The following AMER1 variants were observed in gnomAD, a reference collection of about 807,000 sequenced individuals.
AMER1 encodes the protein APC membrane recruitment protein 1.
Under a neutral mutation model 53.0 loss-of-function variants are expected in AMER1, and 16 were observed. The ratio of observed to expected loss-of-function variants is 0.30; its 90% CI spans 0.20 to 0.46. The LOEUF (loss-of-function observed/expected upper bound fraction) is 0.46, where lower values mean the gene tolerates loss of function less well. Ranked by LOEUF, AMER1 falls within the 20% of genes least tolerant of loss-of-function variation. The pLI, the probability that AMER1 is intolerant of heterozygous loss-of-function variation, is 1.00. For missense variants in AMER1, 947 were observed against 884.9 expected, an observed-to-expected ratio of 1.07 and a Z score of -0.89; for synonymous variants, 354 against 331.9, an observed-to-expected ratio of 1.07 and a Z score of -0.73.
At chrX:64,195,581 C>G (rs923760597) in intron 1 of AMER1, among the ~76,000 whole-genome samples, 10 of 112,277 alleles carry the variant, frequency 8.9e-5, no homozygotes, top group African/African-American at 3.2e-4. Context: ...GCATTAGATT[C>G]TCATAGGAGC....
In AMER1 at chrX:64,189,793, A is replaced by ACGGGGGGCCCCCCCCCC; in HGVS notation, c.*85_*86insGGGGGGGGGGCCCCCCG. On this transcript the variant is annotated 3_prime_UTR_variant, in exon 2 of 2. Coordinates refer to ENST00000374869, the MANE Select transcript of AMER1 (RefSeq NM_152424.4). ...CAAAGGGTTTTCAAGTTAAACAACA[A>ACGGGGGGCCCCCCCCCC]CCCCCACCCCCCCACCCTTCTGCCC... The ACGGGGGGCCCCCCCCCC allele has an allele frequency of 6.8e-6, 2 of 292,065 alleles. No individual in the cohort carries two copies. The highest frequency in any genetic ancestry group is 9.8e-6 in the Non-Finnish European group (2 of 204,826). 24.1% of individuals were successfully genotyped at this position (292,065 alleles called of 1,213,427 possible).
intron 1 of AMER1, among the ~76,000 whole-genome samples, chrX:64,197,236 C>A (rs1021982429): frequency 1.8e-5 from 2 of 112,928 alleles, no homozygotes; most frequent in South Asian, 3.6e-4. Flanking sequence ...CCCTCCCAAG[C>A]CACTCTGTGG....
intron 1 of AMER1, among the ~76,000 whole-genome samples, chrX:64,197,093 G>A (rs1242409119): frequency 8.9e-6 from 1 of 112,770 alleles, no homozygotes; most frequent in Non-Finnish European, 1.9e-5. Context: ...AGACTCTGCA[G>A]ATCCCCTAGG....
At chrX:64,203,663 A>C in intron 1 of AMER1, among the ~76,000 whole-genome samples, 1 of 111,793 alleles carries the variant, frequency 8.9e-6, no homozygotes. Context: ...GCAGAAAGGC[A>C]CCAAGGAAAA....
In AMER1 at chrX:64,186,690, C is replaced by T. The variant is rs1409730030; in HGVS notation, c.*3189G>A. The T allele has an allele frequency of 9.1e-6, 7 of 773,284 alleles. No homozygotes were observed. The highest frequency in any genetic ancestry group is 6.9e-4 in the Middle Eastern group (1 of 1,459). 63.7% of individuals were successfully genotyped at this position (773,284 alleles called of 1,213,427 possible). ...GAGAGAGACTGGTGTTTACTGAACC[C>T]ATTATCCGGGCAGTCTTGTGGCCTG... On this transcript the variant is annotated 3_prime_UTR_variant, in exon 2 of 2. Coordinates refer to ENST00000374869, the MANE Select transcript of AMER1 (RefSeq NM_152424.4).
Position 64,192,955 on chromosome X carries a change from C to T in AMER1, c.332G>A (p.Ser111Asn), listed in dbSNP as rs2147090764. ...EAAHGPEDVV[S>N]EGTGFSLPLP... ...AGGCAGGGAGAAGCCAGTTCCTTCACTGACAACATCTTCAGGGCCATGGGC... is the reference window on the plus strand; with the variant it reads ...AGGCAGGGAGAAGCCAGTTCCTTCATTGACAACATCTTCAGGGCCATGGGC... Residue 111 changes from serine (S) to asparagine (N), a missense_variant, in exon 2 of 2, where the codon AGT becomes AAT. Coordinates refer to ENST00000374869, the MANE Select transcript of AMER1 (RefSeq NM_152424.4). 1.7e-6 allele frequency: 2 copies of T among 1,211,812 alleles called. No homozygotes were observed. Among genetic ancestry groups the T allele is most frequent in the Non-Finnish European group, 2.2e-6 (2 of 895,564 alleles).
In AMER1 at chrX:64,188,723, G is replaced by C. The variant is rs1479952747; in HGVS notation, c.*1156C>G. 2.5e-6 allele frequency: 2 copies of C among 798,301 alleles called. No homozygotes were observed. The highest frequency in any genetic ancestry group is 1.6e-4 in the Admixed American group (2 of 12,751). The allele number at this position is 798,301 out of a possible 1,213,427, so 65.8% of individuals were successfully genotyped here. ...CTTTTAAGAAACTGAGATACCTTAA[G>C]CTCTGCATGGTCTGAAATCCCCTTT... On this transcript the variant is annotated 3_prime_UTR_variant, in exon 2 of 2. Transcript: ENST00000374869.
chrX:64,189,909 G>A lies in AMER1; in HGVS notation c.3378C>T (p.Ser1126=), dbSNP rs2147083857. The change falls in exon 2 of 2, where the codon TCC becomes TCT. Residue 1126 remains serine, a synonymous_variant. Coordinates refer to ENST00000374869, the MANE Select transcript of AMER1 (RefSeq NM_152424.4). ...TGGCTAGGTTTCCATTCATGGCAGT[G>A]GAGGAGTAGCTGGTGGCAAGAGAGG... ...QGASLATSYS[S]TAMNGNLAK The A allele has an allele frequency of 8.3e-7, 1 of 1,206,463 alleles. No individual in the cohort carries two copies. The highest frequency in any genetic ancestry group is 2.2e-5 in the Admixed American group (1 of 45,510).
chrX:64,201,477 A>G (rs1184908802), intron 1 of AMER1, among the ~76,000 whole-genome samples: 2 of 109,743 alleles, frequency 1.8e-5, no homozygotes, highest in Non-Finnish European at 3.8e-5. Flanking sequence ...ACACACACAC[A>G]CACACACACA....
At chrX:64,201,480 CA>C (rs1930488515) in intron 1 of AMER1, among the ~76,000 whole-genome samples, 1 of 110,064 alleles carries the variant, frequency 9.1e-6, no homozygotes, top group African/African-American at 3.3e-5. Context: ...CACACACACA[CA>C]CACACACACA....
In AMER1 at chrX:64,186,288, C is replaced by T; in HGVS notation, c.*3591G>A. On this transcript the variant is annotated 3_prime_UTR_variant, in exon 2 of 2. Transcript: ENST00000374869. ...AGATGCCAGCCCTCTGCACAAGCAG[C>T]AGCAATTTTTGTGTCATCTTTGTTT... 1 of 1,050,828 alleles carries T rather than the reference C, an allele frequency of 9.5e-7. No individual in the cohort carries two copies. 86.6% of individuals were successfully genotyped at this position (1,050,828 alleles called of 1,213,427 possible).
chrX:64,196,225 G>T (rs1343902546), intron 1 of AMER1, among the ~76,000 whole-genome samples: 1 of 111,487 alleles, frequency 9.0e-6, no homozygotes, highest in Non-Finnish European at 1.9e-5. Flanking sequence ...TGGGGTCCAG[G>T]CCATGTCAGC....
chrX:64,203,117 C>G (rs1930523609), intron 1 of AMER1, among the ~76,000 whole-genome samples: 2 of 112,300 alleles, frequency 1.8e-5, no homozygotes, highest in African/African-American at 6.5e-5. Flanking sequence ...TCTTTCATCT[C>G]TCTCCAAGTA....
rs941828527 is a variant in AMER1, at chrX:64,186,194, G to T, written c.*3685C>A. On this transcript the variant is annotated 3_prime_UTR_variant, in exon 2 of 2. Coordinates refer to ENST00000374869, the MANE Select transcript of AMER1 (RefSeq NM_152424.4). ...CATCTTCTGCTGTCCCTATCATGGGGGGAGGGAACGGACAGTGTGGTACAG... is the reference window on the plus strand; with the variant it reads ...CATCTTCTGCTGTCCCTATCATGGGTGGAGGGAACGGACAGTGTGGTACAG... The T allele has an allele frequency of 1.7e-6, 2 of 1,208,996 alleles. No individual in the cohort carries two copies. The highest frequency in any genetic ancestry group is 2.3e-4 in the Middle Eastern group (1 of 4,347).
Position 64,189,811 on chromosome X carries a change from TTCTG to T in AMER1, c.*64_*67del. On this transcript the variant is annotated 3_prime_UTR_variant, in exon 2 of 2. Coordinates refer to ENST00000374869, the MANE Select transcript of AMER1 (RefSeq NM_152424.4). ...AACAACAACCCCCACCCCCCCACCCTTCTGCCCAACCCCTGATCCCCATTCACAT... is the reference window on the plus strand; with the variant it reads ...AACAACAACCCCCACCCCCCCACCCTCCCAACCCCTGATCCCCATTCACAT... 2.7e-5 allele frequency: 2 copies of T among 73,844 alleles called. No individual in the cohort carries two copies. The allele number at this position is 73,844 out of a possible 1,213,427, so 6.1% of individuals were successfully genotyped here.
At position 64,186,217 on chromosome X, in the gene AMER1, C is replaced by T. The variant is rs777222072; in HGVS notation, c.*3662G>A. ...GGGGGAGGGAACGGACAGTGTGGTA[C>T]AGCTAAGGTAGGGAGAGGGGAAAGA... On this transcript the variant is annotated 3_prime_UTR_variant, in exon 2 of 2. Coordinates refer to ENST00000374869, the MANE Select transcript of AMER1 (RefSeq NM_152424.4). 4.2e-6 allele frequency: 5 copies of T among 1,191,930 alleles called. No individual in the cohort carries two copies. Among genetic ancestry groups the T allele is most frequent in the Non-Finnish European group, 5.7e-6 (5 of 882,846 alleles).
rs148731565 is a variant in AMER1, at chrX:64,191,039, G to T, written c.2248C>A (p.Pro750Thr). The T allele has an allele frequency of 1.7e-6, 2 of 1,210,446 alleles. No homozygotes were observed. Among genetic ancestry groups the T allele is most frequent in the Non-Finnish European group, 2.2e-6 (2 of 895,323 alleles). ...SPRRAYPTYS[P>T]PEDPEEEEVE... ...TCCTCTTCCTCTGGATCTTCAGGGG[G>T]TGAATAAGTAGGGTAGGCCCTCCTG... Residue 750 changes from proline to threonine, a missense_variant, in exon 2 of 2, where the codon CCC (proline) becomes ACC (threonine). Physicochemically the swap from Pro to Thr is conservative, Grantham distance 38 (BLOSUM62 -1). Transcript: ENST00000374869.
chrX:64,202,909 G>A (rs956148258), intron 1 of AMER1, among the ~76,000 whole-genome samples: 7 of 111,615 alleles, frequency 6.3e-5, no homozygotes, highest in African/African-American at 2.3e-4. Flanking sequence ...CCTGGCATCC[G>A]GGAAACCCCA....
At position 64,192,876 on chromosome X, in the gene AMER1, C is replaced by T. The variant is rs201005217; in HGVS notation, c.411G>A (p.Leu137=). ...FPSSQSAHGA[L]ETGSRCKTSV... is the part of the protein sequence containing the mutation. The stretch of plus-strand genomic sequence containing the variant: ...ATGTCTTACATCTGGAGCCTGTCTC[C>T]AAAGCCCCATGGGCACTCTGAGAGC... The change falls in exon 2 of 2, where the codon TTG becomes TTA. Residue 137 remains leucine, a synonymous_variant. Transcript: ENST00000374869. The T allele has an allele frequency of 8.3e-7, 1 of 1,210,556 alleles. No homozygotes were observed. The highest frequency in any genetic ancestry group is 3.0e-5 in the East Asian group (1 of 33,750).
Sources: gnomAD v4.1 joint callset for allele counts (sites outside exome capture counted in the v4.1 genomes callset) on GRCh38, gnomAD v4.1.1 for gene constraint, MANE v1.5 for transcripts, NCBI Gene and HGNC (gene_info 2026-07-23, HGNC 2026-07-21) for gene names.